DPP10: variants seen among roughly 807,000 people sequenced by gnomAD.
DPP10 encodes the protein inactive dipeptidyl peptidase 10.
A neutral mutation model predicts 120.9 loss-of-function variants in DPP10; 33 were observed. The ratio of observed to expected loss-of-function variants is 0.27; its 90% confidence interval spans 0.21 to 0.37. DPP10 has a LOEUF of 0.37. DPP10 is among the 10% of genes least tolerant of loss of function. The pLI, the probability that DPP10 is intolerant of heterozygous loss-of-function variation, is 1.00. For missense variants in DPP10, 816 were observed against 942.8 expected (o/e 0.87, Z 1.76); for synonymous variants, 337 against 326.1 (o/e 1.03, Z -0.36).
At chr2:115,679,339 CTGT>C (rs565590248) in intron 5 of DPP10, among the ~76,000 whole-genome samples, 194 of 152,214 alleles carry the variant, frequency 1.3e-3, no homozygotes, top group African/African-American at 4.2e-3. Flanking sequence ...TACCTTCATG[CTGT>C]TCTCATGATA....
intron 2 of DPP10, chr2:115,342,094 A>C: frequency 2.2e-6 from 1 of 450,198 alleles, no homozygotes; most frequent in South Asian, 1.6e-5. Context: ...TTTTATGTTT[A>C]AGTGAGGCCT....
chr2:115,814,631 G>C (rs1480886417), intron 19 of DPP10, 162 bp from the exon 20 acceptor site: 2 of 486,136 alleles, frequency 4.1e-6, no homozygotes, highest in Admixed American at 4.3e-5. Flanking sequence ...ATTTTACGAA[G>C]GAAAATTGTA....
chr2:114,767,840 G>T (rs572164000), intron 1 of DPP10, among the ~76,000 whole-genome samples: 2 of 152,266 alleles, frequency 1.3e-5, no homozygotes, highest in South Asian at 4.2e-4. Flanking sequence ...TCTCAGAGAG[G>T]CCGAGCATGG....
At chr2:115,522,157 A>G (rs990985167) in intron 4 of DPP10, among the ~76,000 whole-genome samples, 2 of 152,246 alleles carry the variant, frequency 1.3e-5, no homozygotes, top group South Asian at 2.1e-4. Flanking sequence ...GTATTTTTCT[A>G]TAGGACATTG....
At chr2:114,549,444 C>T (rs551143229) in intron 1 of DPP10, among the ~76,000 whole-genome samples, 6 of 152,070 alleles carry the variant, frequency 3.9e-5, no homozygotes, top group South Asian at 4.2e-4. Flanking sequence ...GGGCAGATCA[C>T]GTGGTCAGGA....
intron 21 of DPP10, among the ~76,000 whole-genome samples, chr2:115,829,383 T>C (rs1216543250): frequency 6.6e-6 from 1 of 152,158 alleles, no homozygotes; most frequent in Non-Finnish European, 1.5e-5. Flanking sequence ...TTTCTGTTCT[T>C]ATGCTAATCT....
rs113685780 is a variant in DPP10, at chr2:115,778,207, G to T, written c.1361+373G>T. 3.3e-5 allele frequency among the ~76,000 whole-genome samples: 5 copies of T among 152,132 alleles called. No individual in the cohort carries two copies. The East Asian group carries it at 9.7e-4, about 29-fold the overall frequency. Reference sequence around the variant, plus strand: ...TTTTCAGTGCATTAATGTGGCACAGGTGAAATTTATTCTTGTACAATATAA... The same window carrying T: ...TTTTCAGTGCATTAATGTGGCACAGTTGAAATTTATTCTTGTACAATATAA... On this transcript the variant is annotated intron_variant, in intron 15 of 25. Transcript: ENST00000410059.
chr2:114,646,050 C>T (rs898787523), intron 1 of DPP10, among the ~76,000 whole-genome samples: 4 of 152,020 alleles, frequency 2.6e-5, no homozygotes, highest in Non-Finnish European at 5.9e-5. Context: ...ATCCCAGCTA[C>T]TCAGGAGGCC....
In DPP10 at chr2:115,570,282, TA is replaced by T. The variant is rs2081263602; in HGVS notation, c.441+44314del. Among the ~76,000 whole-genome samples, 4 of 152,292 alleles carry T rather than the reference TA, an allele frequency of 2.6e-5. No homozygotes were observed. The South Asian group carries it at 8.3e-4, about 32-fold the overall frequency. ...CAGAGCCCAAATAAGCAGAAAGCCT[TA>T]AAATAATCTCATGAACTCAATATAG... On this transcript the variant is annotated intron_variant, in intron 5 of 25. Coordinates refer to ENST00000410059, the MANE Select transcript of DPP10 (RefSeq NM_020868.6).
chr2:115,649,298 T>C (rs1229557575), intron 5 of DPP10, among the ~76,000 whole-genome samples: 1 of 152,110 alleles, frequency 6.6e-6, no homozygotes, highest in Non-Finnish European at 1.5e-5. Flanking sequence ...ATAATGGGCT[T>C]CAACAGGATT....
intron 1 of DPP10, among the ~76,000 whole-genome samples, chr2:114,930,584 A>T (rs1203355033): frequency 6.6e-6 from 1 of 152,308 alleles, no homozygotes. Flanking sequence ...TTTACTGTCT[A>T]TATTTCTATC....
At position 114,917,046 on chromosome 2, in the gene DPP10, A is replaced by G. The variant is rs1039202433; in HGVS notation, c.61-392193A>G. On this transcript the variant is annotated intron_variant, in intron 1 of 25. Coordinates refer to ENST00000410059, the MANE Select transcript of DPP10 (RefSeq NM_020868.6). ...GTCAAACCACCTGTCTTTGCAGACA[A>G]TATGATTCTATACTTACTAATTTCC... Among the ~76,000 whole-genome samples the G allele has an allele frequency of 1.1e-4, 16 of 152,244 alleles. 1 individual carries two copies. The highest frequency in any genetic ancestry group is 1.9e-4 in the East Asian group (1 of 5,202).
At chr2:114,883,422 C>T (rs951781073) in intron 1 of DPP10, among the ~76,000 whole-genome samples, 5 of 152,252 alleles carry the variant, frequency 3.3e-5, no homozygotes, top group Middle Eastern at 6.8e-3. Flanking sequence ...AGTAGAACGC[C>T]GTGAAAGAAT....
intron 1 of DPP10, among the ~76,000 whole-genome samples, chr2:115,153,239 C>T (rs1189856736): frequency 6.6e-6 from 1 of 152,084 alleles, no homozygotes; most frequent in African/African-American, 2.4e-5. Flanking sequence ...TATTATGAAA[C>T]AGGGTATTTT....
intron 1 of DPP10, among the ~76,000 whole-genome samples, chr2:115,299,021 A>G (rs925857238): frequency 2.0e-5 from 3 of 152,174 alleles, no homozygotes; most frequent in African/African-American, 7.2e-5. Context: ...TAGGCACTCT[A>G]AATAGCAACT....
At chr2:115,505,074 T>A (rs992513708) in intron 4 of DPP10, among the ~76,000 whole-genome samples, 2 of 152,100 alleles carry the variant, frequency 1.3e-5, no homozygotes, top group African/African-American at 4.8e-5. Context: ...TACTAACTAA[T>A]TTATTCATGA....
intron 5 of DPP10, among the ~76,000 whole-genome samples, chr2:115,677,846 A>T (rs2090383118): frequency 6.6e-6 from 1 of 152,202 alleles, no homozygotes; most frequent in Admixed American, 6.5e-5. Flanking sequence ...CCTGACTCTA[A>T]GCATGAAACA....
chr2:115,170,108 G>GA (rs1198623804), intron 1 of DPP10, among the ~76,000 whole-genome samples: 2 of 152,174 alleles, frequency 1.3e-5, no homozygotes, highest in African/African-American at 4.8e-5. Context: ...TGTACAGGGA[G>GA]AAATAGGCCT....
intron 1 of DPP10, among the ~76,000 whole-genome samples, chr2:115,232,315 A>G (rs1321332010): frequency 2.4e-5 from 3 of 124,428 alleles, no homozygotes; most frequent in Non-Finnish European, 5.8e-5. Context: ...GAGCTTCACC[A>G]TTTTTCTGGA....
Sources: allele counts gnomAD v4.1 joint callset (sites outside exome capture counted in the v4.1 genomes callset), GRCh38; gene constraint gnomAD v4.1.1; transcripts MANE v1.5; gene names NCBI Gene and HGNC (gene_info 2026-07-23, HGNC 2026-07-21).